Variants in XYLT1 observed in about 807,000 individuals in gnomAD.
XYLT1 encodes the protein beta-D-xylosyltransferase 1.
Under a neutral mutation model 91.3 loss-of-function variants are expected in XYLT1, and 36 were observed. The observed-to-expected ratio is 0.39, with a 90% CI of 0.30 to 0.52. The LOEUF (loss-of-function observed/expected upper bound fraction) is 0.52. Ranked by LOEUF, XYLT1 falls within the 20% of genes least tolerant of loss-of-function variation. The pLI is 0.68. For missense variants in XYLT1, 1,242 were observed against 1,284.5 expected (o/e 0.97, Z 0.51); for synonymous variants, 588 against 532.0 (o/e 1.11, Z -1.45).
intron 1 of XYLT1, among the ~76,000 whole-genome samples, chr16:17,414,056 T>C (rs2036148849): frequency 6.6e-6 from 1 of 152,254 alleles, no homozygotes; most frequent in African/African-American, 2.4e-5. Flanking sequence ...GGAACCCCAG[T>C]AAAGGTTCTG....
intron 5 of XYLT1, among the ~76,000 whole-genome samples, chr16:17,159,382 G>A (rs2031493646): frequency 2.6e-5 from 4 of 152,134 alleles, no homozygotes; most frequent in Non-Finnish European, 1.5e-5. Context: ...ACCTAAAGTA[G>A]TACCTGCCTC....
chr16:17,444,764 C>T (rs181447974), intron 1 of XYLT1, among the ~76,000 whole-genome samples: 10 of 152,288 alleles, frequency 6.6e-5, no homozygotes, highest in South Asian at 2.1e-4. Context: ...CATATATTTT[C>T]AAATGTTCAC....
chr16:17,392,340 T>C (rs1344868074), intron 1 of XYLT1, among the ~76,000 whole-genome samples: 3 of 152,204 alleles, frequency 2.0e-5, no homozygotes, highest in African/African-American at 4.8e-5. Flanking sequence ...AGTTTTCACA[T>C]GGCTTCCTGG....
chr16:17,428,642 T>C (rs996046523), intron 1 of XYLT1, among the ~76,000 whole-genome samples: 1 of 152,222 alleles, frequency 6.6e-6, no homozygotes, highest in Non-Finnish European at 1.5e-5. Context: ...GTCTGAGCTT[T>C]TGAGACATCT....
At chr16:17,194,961 C>T (rs992798026) in intron 5 of XYLT1, among the ~76,000 whole-genome samples, 2 of 152,216 alleles carry the variant, frequency 1.3e-5, no homozygotes, top group African/African-American at 2.4e-5. Context: ...CTTGTCTAAA[C>T]TCACTTCTCC....
chr16:17,211,000 C>T (rs765516098), intron 3 of XYLT1, among the ~76,000 whole-genome samples: 4 of 152,184 alleles, frequency 2.6e-5, no homozygotes, highest in African/African-American at 2.4e-5. Context: ...CTGATTTCTT[C>T]GCATTGTTGC....
intron 1 of XYLT1, among the ~76,000 whole-genome samples, chr16:17,469,481 A>G (rs917663614): frequency 6.6e-6 from 1 of 152,220 alleles, no homozygotes; most frequent in Non-Finnish European, 1.5e-5. Context: ...CTAGCTCAGT[A>G]GGCTGGGCAA....
intron 1 of XYLT1, among the ~76,000 whole-genome samples, chr16:17,412,349 G>C (rs943865670): frequency 2.0e-5 from 3 of 151,772 alleles, no homozygotes; most frequent in Non-Finnish European, 4.4e-5. Flanking sequence ...GTCCACGTGA[G>C]GGGGTCCTGG....
intron 3 of XYLT1, among the ~76,000 whole-genome samples, chr16:17,235,456 A>T (rs1019148613): frequency 6.6e-6 from 1 of 152,032 alleles, no homozygotes; most frequent in Admixed American, 6.6e-5. Flanking sequence ...AGGTCAGCTA[A>T]CCTGGCCAAA....
chr16:17,317,556 G>A (rs180906769), intron 2 of XYLT1, among the ~76,000 whole-genome samples: 6 of 142,722 alleles, frequency 4.2e-5, no homozygotes, highest in Admixed American at 3.1e-4. Context: ...CTTGAGCCCA[G>A]GAGATCGAGT....
At chr16:17,385,587 C>G (rs147427604) in intron 1 of XYLT1, among the ~76,000 whole-genome samples, 4 of 151,838 alleles carry the variant, frequency 2.6e-5, no homozygotes, top group African/African-American at 9.7e-5. Flanking sequence ...ACTAGTTTCA[C>G]GGTTTTTGCC....
At chr16:17,149,268 A>C (rs1327247267) in intron 6 of XYLT1, among the ~76,000 whole-genome samples, 2 of 152,270 alleles carry the variant, frequency 1.3e-5, no homozygotes, top group Non-Finnish European at 2.9e-5. Flanking sequence ...GAATTATTCC[A>C]GAATTAAGCT....
rs2036698119 is a variant in XYLT1, at chr16:17,453,708, A to G, written c.363+16726T>C. Among the ~76,000 whole-genome samples the G allele has an allele frequency of 2.0e-5, 3 of 152,360 alleles. No individual in the cohort carries two copies. The South Asian group carries it at 6.2e-4, about 32-fold the overall frequency. ...AGGCTAGAGATCTTATTGGGGACAC[A>G]GGGCTATATTCATCTGCTTCCCAGC... On this transcript the variant is annotated intron_variant, in intron 1 of 11. Coordinates refer to ENST00000261381, the MANE Select transcript of XYLT1 (RefSeq NM_022166.4).
intron 2 of XYLT1, among the ~76,000 whole-genome samples, chr16:17,286,651 A>ATCATCATCATCCTCC (rs1555494403): frequency 1.3e-4 from 12 of 91,958 alleles, no homozygotes; most frequent in Non-Finnish European, 2.9e-4. Flanking sequence ...ATGGATAGGT[A>ATCATCATCATCCTCC]TCATCATCAT....
chr16:17,431,636 G>A (rs2036392866), intron 1 of XYLT1, among the ~76,000 whole-genome samples: 2 of 152,198 alleles, frequency 1.3e-5, no homozygotes, highest in African/African-American at 2.4e-5. Flanking sequence ...AAAGCAAAAT[G>A]CTACACCGTT....
chr16:17,295,901 T>TTCA (rs2034302326), intron 2 of XYLT1, among the ~76,000 whole-genome samples: 1 of 152,218 alleles, frequency 6.6e-6, no homozygotes, highest in African/African-American at 2.4e-5. Flanking sequence ...TTGCTCTGAA[T>TTCA]GAGCTGGGAT....
At chr16:17,308,996 T>TAA (rs796464150) in intron 2 of XYLT1, among the ~76,000 whole-genome samples, 1 of 140,776 alleles carries the variant, frequency 7.1e-6, no homozygotes, top group Non-Finnish European at 1.6e-5. Context: ...AAAATAAAAA[T>TAA]AAAAAAAAAA....
intron 2 of XYLT1, among the ~76,000 whole-genome samples, chr16:17,281,631 C>T (rs556405380): frequency 5.5e-4 from 83 of 152,288 alleles, no homozygotes; most frequent in African/African-American, 1.9e-3. Flanking sequence ...TTGTCTGTTG[C>T]ACAGGGAAAT....
In XYLT1 at chr16:17,330,804, AAAAG is replaced by A. The variant is rs2034886194; in HGVS notation, c.402+27204_402+27207del. On this transcript the variant is annotated intron_variant, in intron 2 of 11. Transcript: ENST00000261381. ...GCAAGACTCCCTCTCGGAAAAAAAA[AAAAG>A]AAAAGAAAAGAAAATGTCCCTACTT... 2.6e-5 allele frequency among the ~76,000 whole-genome samples: 4 copies of A among 151,970 alleles called. No homozygotes were observed. The South Asian group carries it at 6.2e-4, about 24-fold the overall frequency.
Sources: gnomAD v4.1 joint callset for allele counts (sites outside exome capture counted in the v4.1 genomes callset) on GRCh38, gnomAD v4.1.1 for gene constraint, MANE v1.5 for transcripts, NCBI Gene and HGNC (gene_info 2026-07-23, HGNC 2026-07-21) for gene names.